Variants in SEMA7A observed in about 807,000 individuals in gnomAD.
The protein encoded by SEMA7A is semaphorin 7A (JohnMiltonHagen blood group).
In SEMA7A, 21 loss-of-function variants were observed where a neutral mutation model predicts 67.5. That is an observed-to-expected ratio of 0.31 (90% confidence interval 0.22 to 0.45). The LOEUF is 0.45. Ranked by LOEUF, SEMA7A falls within the 20% of genes least tolerant of loss-of-function variation. SEMA7A has a pLI of 1.00. For synonymous variants in SEMA7A, 364 were observed against 368.5 expected (o/e 0.99, Z 0.14); for missense variants, 774 against 908.6 (o/e 0.85, Z 1.90).
At chr15:74,433,495 G>A (rs1173007681) in intron 1 of SEMA7A, 8 of 1,126,830 alleles carry the variant, frequency 7.1e-6, no homozygotes, top group Non-Finnish European at 8.9e-6. Flanking sequence ...CAGGGACTTG[G>A]TGCGACTTAG....
At chr15:74,425,832 G>T (rs2061039744) in intron 1 of SEMA7A, among the ~76,000 whole-genome samples, 1 of 152,174 alleles carries the variant, frequency 6.6e-6, no homozygotes, top group Admixed American at 6.5e-5. Flanking sequence ...TTCCCTGTGG[G>T]ATGGCTACAT....
Position 74,411,581 on chromosome 15 carries a change from A to G in SEMA7A, c.1552T>C (p.Cys518Arg). The change falls in exon 12 of 14, where the codon TGC becomes CGC. Residue 518 changes from cysteine (C) to arginine (R), a missense_variant. Around this residue, in one of 2 missense-constraint regions of SEMA7A, gnomAD observed 427 missense variants for 555.4 expected, o/e 0.77. Coordinates refer to ENST00000261918, the MANE Select transcript of SEMA7A (RefSeq NM_003612.5). The surrounding 1 kb of genome is among the most constrained non-coding windows in gnomAD (Gnocchi z 4.4). ...CGTTCGGAGCTGTAGATGGAGATGC[A>G]GCGGCCTTGGTCCCAGCCGCAGTAG... The part of the protein sequence containing the change: ...DPYCGWDQGR[C>R]ISIYSSERSV... 2 of 1,581,510 alleles carry G rather than the reference A, an allele frequency of 1.3e-6. No individual in the cohort carries two copies. Among genetic ancestry groups the G allele is most frequent in the Non-Finnish European group, 1.7e-6 (2 of 1,162,674 alleles).
Position 74,411,369 on chromosome 15 carries a change from G to A in SEMA7A, c.1578-13C>T. On this transcript the variant is annotated splice_polypyrimidine_tract_variant and intron_variant, in intron 12 of 13. Coordinates refer to ENST00000261918, the MANE Select transcript of SEMA7A (RefSeq NM_003612.5). This position sits in a 1 kb window ranked among gnomAD's most constrained non-coding sequence, Gnocchi z 4.4. ...TTGCAGCACTGACCTGGAGTGGGAA[G>A]GACGAAAGAGGATCAGCAGATACAA... 4 of 1,613,338 alleles carry A rather than the reference G, an allele frequency of 2.5e-6. No individual in the cohort carries two copies. The African/African-American group carries it at 4.0e-5, about 16-fold the overall frequency.
intron 8 of SEMA7A, 41 bp downstream of exon 8, chr15:74,415,760 G>A (rs1359507093): frequency 4.5e-6 from 7 of 1,568,628 alleles, no homozygotes; most frequent in Non-Finnish European, 6.1e-6. Flanking sequence ...ACTGGACACT[G>A]AACCAATGCC....
At chr15:74,418,184 C>T in intron 3 of SEMA7A, 84 bp downstream of exon 3, 1 of 1,406,172 alleles carries the variant, frequency 7.1e-7, no homozygotes, top group South Asian at 1.2e-5. Context: ...TGGGGCAGGG[C>T]CATGCTTCCT....
chr15:74,416,079 G>T, intron 7 of SEMA7A, 94 bp from the exon 8 acceptor site: 1 of 1,310,778 alleles, frequency 7.6e-7, no homozygotes, highest in Non-Finnish European at 1.1e-6. Context: ...CAACACCTGG[G>T]CCCAGAGGAG....
At position 74,410,019 on chromosome 15, in the gene SEMA7A, T is replaced by TA. The variant is rs1314141121; in HGVS notation, c.*604dup. On this transcript the variant is annotated 3_prime_UTR_variant, in exon 14 of 14. Transcript: ENST00000261918. This position sits in a 1 kb window ranked among gnomAD's most constrained non-coding sequence, Gnocchi z 7.5. ...AGCTATACATGAAATAAGCCTAACATAAAAATAGAGCTTTTTCCGTCCTTC... is the reference window on the plus strand; with the variant it reads ...AGCTATACATGAAATAAGCCTAACATAAAAAATAGAGCTTTTTCCGTCCTTC... 1 of 140,050 alleles carries TA rather than the reference T, an allele frequency of 7.1e-6. No homozygotes were observed. Among genetic ancestry groups the TA allele is most frequent in the Admixed American group, 8.2e-5 (1 of 12,128 alleles). 8.7% of individuals were successfully genotyped at this position (140,050 alleles called of 1,614,324 possible).
chr15:74,410,315 G>A lies in SEMA7A; in HGVS notation c.*309C>T. 1 of 355,106 alleles carries A rather than the reference G, an allele frequency of 2.8e-6. No individual in the cohort carries two copies. Among genetic ancestry groups the A allele is most frequent in the South Asian group, 7.5e-5 (1 of 13,398 alleles). 22.0% of individuals were successfully genotyped at this position (355,106 alleles called of 1,614,324 possible). A position where few individuals can be genotyped will look rare whatever the true frequency, so the allele number is the denominator to read the frequency against. On this transcript the variant is annotated 3_prime_UTR_variant, in exon 14 of 14. Transcript: ENST00000261918. The surrounding 1 kb of genome is among the most constrained non-coding windows in gnomAD (Gnocchi z 7.5). ...CCCGACCCATGGGCTCTTGGGCTGG[G>A]AGCATCGCTGCATTTAGTCAAGTTT...
At position 74,414,816 on chromosome 15, in the gene SEMA7A, C is replaced by T. The variant is rs1451754058; in HGVS notation, c.1095+22G>A. On this transcript the variant is annotated intron_variant, in intron 9 of 13. Coordinates refer to ENST00000261918, the MANE Select transcript of SEMA7A (RefSeq NM_003612.5). This position sits in a 1 kb window ranked among gnomAD's most constrained non-coding sequence, Gnocchi z 4.1. ...AGGCAGAAGGAGGGCTGGGCCTGGG[C>T]CACGGCTGGTGTCACGCTCACCTTG... 6.2e-7 allele frequency: 1 copy of T among 1,613,892 alleles called. No individual in the cohort carries two copies. Among genetic ancestry groups the T allele is most frequent in the Non-Finnish European group, 8.5e-7 (1 of 1,179,786 alleles).
At chr15:74,420,010 C>T (rs1409508240) in intron 1 of SEMA7A, among the ~76,000 whole-genome samples, 7 of 152,182 alleles carry the variant, frequency 4.6e-5, no homozygotes, top group Non-Finnish European at 7.3e-5. Context: ...CCACCTCTGA[C>T]CAGCCTGGGC....
In SEMA7A at chr15:74,410,628, T is replaced by G. The variant is rs765620877; in HGVS notation, c.1997A>C (p.His666Pro). Reference protein sequence around the residue: ...LPTLTLGLLVH With the variant: ...LPTLTLGLLVP ...CATGCCCAGCCTCGGGAGGCCCTAG[T>G]GGACCAGCAAGCCAAGAGTGAGTGT... Residue 666 changes from histidine to proline, a missense_variant, in exon 14 of 14, where the codon CAC (histidine) becomes CCC (proline). By Grantham distance (77) the His-to-Pro change is moderately conservative. Transcript: ENST00000261918. The surrounding 1 kb of genome is among the most constrained non-coding windows in gnomAD (Gnocchi z 7.5). 4 of 1,584,162 alleles carry G rather than the reference T, an allele frequency of 2.5e-6. No homozygotes were observed. In the South Asian group the frequency reaches 4.6e-5, roughly 18 times the overall value.
intron 1 of SEMA7A, among the ~76,000 whole-genome samples, chr15:74,421,843 G>A (rs2061002940): frequency 6.6e-6 from 1 of 152,212 alleles, no homozygotes; most frequent in Non-Finnish European, 1.5e-5. Context: ...CTCTGCCCAG[G>A]CAGGGGCTGA....
At chr15:74,433,680 T>C in intron 1 of SEMA7A, 61 bp downstream of exon 1, 1 of 1,367,618 alleles carries the variant, frequency 7.3e-7, no homozygotes, top group Non-Finnish European at 9.4e-7. Context: ...TGCAGCACAC[T>C]CCGCACCCGC....
chr15:74,413,029 C>T (rs1344425650), intron 10 of SEMA7A, among the ~76,000 whole-genome samples: 2 of 151,086 alleles, frequency 1.3e-5, no homozygotes, highest in Non-Finnish European at 3.0e-5. Flanking sequence ...ACCTCCCTCT[C>T]TCCCTCCCTC....
At chr15:74,433,300 C>T (rs1267317183) in intron 1 of SEMA7A, among the ~76,000 whole-genome samples, 1 of 151,696 alleles carries the variant, frequency 6.6e-6, no homozygotes, top group South Asian at 2.1e-4. Context: ...CCCCCCTTGC[C>T]GGCCCAGCCT....
chr15:74,417,521 A>G, intron 5 of SEMA7A, 70 bp downstream of exon 5: 1 of 1,583,794 alleles, frequency 6.3e-7, no homozygotes, highest in Non-Finnish European at 8.7e-7. Context: ...CTGGACAAAG[A>G]GCTGACCACT....
In SEMA7A at chr15:74,417,937, C is replaced by T. The variant is rs762404415; in HGVS notation, c.405G>A (p.Arg135=). The T allele has an allele frequency of 6.2e-7, 1 of 1,613,318 alleles. No homozygotes were observed. Among genetic ancestry groups the T allele is most frequent in the South Asian group, 1.1e-5 (1 of 91,086 alleles). Residue 135 remains arginine, a synonymous_variant, in exon 4 of 14, where the codon AGG becomes AGA. Transcript: ENST00000261918. ...DCENYITLLE[R]RSEGLLACGT... The stretch of plus-strand genomic sequence containing the variant: ...CACAGGCCAGCAGCCCCTCACTCCG[C>T]CTCTCCAGGAGAGTGATGTAGTTCT...
In SEMA7A at chr15:74,411,101, C is replaced by A. The variant is rs932139125; in HGVS notation, c.1640-116G>T. On this transcript the variant is annotated intron_variant, in intron 13 of 13. Coordinates refer to ENST00000261918, the MANE Select transcript of SEMA7A (RefSeq NM_003612.5). The surrounding 1 kb of genome is among the most constrained non-coding windows in gnomAD (Gnocchi z 4.4). ...AGGCTTCTGAATGAACGTGGGGAAC[C>A]CAGCCCTCAGCGTCCTCCTTTTTTC... The A allele has an allele frequency of 1.4e-6, 2 of 1,470,648 alleles. No homozygotes were observed. Among genetic ancestry groups the A allele is most frequent in the African/African-American group, 2.8e-5 (2 of 70,892 alleles). 91.1% of individuals were successfully genotyped at this position (1,470,648 alleles called of 1,614,324 possible).
At chr15:74,426,906 G>T (rs1450381313) in intron 1 of SEMA7A, among the ~76,000 whole-genome samples, 2 of 152,128 alleles carry the variant, frequency 1.3e-5, no homozygotes, top group African/African-American at 2.4e-5. Context: ...ACCCACCATG[G>T]CTCCTAACTG....
Sources: allele counts gnomAD v4.1 joint callset (sites outside exome capture counted in the v4.1 genomes callset), GRCh38; gene constraint gnomAD v4.1.1; regional missense constraint gnomAD v4.1.1; non-coding constraint Gnocchi (gnomAD v3.1); transcripts MANE v1.5; gene names NCBI Gene and HGNC (gene_info 2026-07-23, HGNC 2026-07-21).